The following RASEF variants were observed in gnomAD, a reference collection of about 807,000 sequenced individuals.
RASEF encodes RAS and EF-hand domain containing.
Under a neutral mutation model 90.1 loss-of-function variants are expected in RASEF, and 68 were observed. That is an observed-to-expected ratio of 0.75 (90% CI 0.62 to 0.92). The LOEUF (loss-of-function observed/expected upper bound fraction) is 0.92. Among genes scored for constraint, RASEF ranks in the 40% least tolerant of loss-of-function variants. RASEF has a pLI of 0.00. For missense variants in RASEF, 949 were observed against 937.2 expected (o/e 1.01, Z -0.16); for synonymous variants, 331 against 345.2 (o/e 0.96, Z 0.46).
intron 14 of RASEF, among the ~76,000 whole-genome samples, chr9:82,995,960 G>A (rs1041952495): frequency 6.6e-6 from 1 of 152,142 alleles, no homozygotes; most frequent in African/African-American, 2.4e-5. Context: ...CTAGAGAGAT[G>A]ACTATAACAT....
chr9:83,154,752 A>G, the RASEF span, among the ~76,000 whole-genome samples: 1 of 152,088 alleles, frequency 6.6e-6, no homozygotes. Context: ...TTGGCATACT[A>G]TTTTCTTCCT....
chr9:83,149,767 C>T, the RASEF span, among the ~76,000 whole-genome samples: 1 of 152,198 alleles, frequency 6.6e-6, no homozygotes, highest in Admixed American at 6.5e-5. Context: ...TTGTTTTTAA[C>T]ACCCCCTCTT....
the RASEF span, among the ~76,000 whole-genome samples, chr9:83,107,806 G>C: frequency 6.6e-6 from 1 of 152,096 alleles, no homozygotes; most frequent in Non-Finnish European, 1.5e-5. Context: ...GTGGCCCCTA[G>C]TCTAGCACTC....
At chr9:83,065,680 T>G (rs146160465), upstream of RASEF, among the ~76,000 whole-genome samples, 16 of 152,324 alleles carry the variant, frequency 1.1e-4, no homozygotes, top group East Asian at 3.1e-3. Flanking sequence ...CTCTAATATA[T>G]TCTCCCAGGC....
chr9:83,066,451 T>G (rs1367661693), upstream of RASEF, among the ~76,000 whole-genome samples: 1 of 152,210 alleles, frequency 6.6e-6, no homozygotes, highest in East Asian at 1.9e-4. Context: ...GGTCATATAA[T>G]CTGTCTCTAA....
chr9:83,159,153 T>C, the RASEF span, among the ~76,000 whole-genome samples: 2 of 140,790 alleles, frequency 1.4e-5, no homozygotes, highest in Non-Finnish European at 3.0e-5. Flanking sequence ...GCCACTGCAC[T>C]CCAGCCTGGG....
At position 82,991,538 on chromosome 9, in the gene RASEF, A is replaced by T. The variant is rs535294526; in HGVS notation, c.2041-1071T>A. On this transcript the variant is annotated intron_variant, in intron 15 of 16. Transcript: ENST00000376447. ...AAGGGAAGGAGGTGACACTTGCTCT[A>T]GAACAGGGAGAATGAGAAAAGCCAG... Among the ~76,000 whole-genome samples, 3 of 152,304 alleles carry T rather than the reference A, an allele frequency of 2.0e-5. No homozygotes were observed. The South Asian group carries it at 6.2e-4, about 32-fold the overall frequency.
the RASEF span, among the ~76,000 whole-genome samples, chr9:83,094,277 T>C: frequency 6.6e-6 from 1 of 151,278 alleles, no homozygotes; most frequent in Admixed American, 6.6e-5. Context: ...GCTATAAATA[T>C]GAAATACCCA....
At position 83,044,509 on chromosome 9, in the gene RASEF, A is replaced by C. The variant is rs542408928; in HGVS notation, c.431+17928T>G. Reference sequence around the variant, plus strand: ...TAGGGCAAGCCTTTTCTTGGGAAATAAAAAAAAAATTAATAACTTTAAAGT... The same window carrying C: ...TAGGGCAAGCCTTTTCTTGGGAAATCAAAAAAAAATTAATAACTTTAAAGT... On this transcript the variant is annotated intron_variant, in intron 1 of 16. Transcript: ENST00000376447. Among the ~76,000 whole-genome samples, 814 of 146,192 alleles carry C rather than the reference A, an allele frequency of 5.6e-3. 10 individuals are homozygous for C. The highest frequency in any genetic ancestry group is 0.019 in the African/African-American group (752 of 40,040).
intron 3 of RASEF, among the ~76,000 whole-genome samples, chr9:83,017,326 A>G (rs1829359639): frequency 1.3e-5 from 2 of 150,492 alleles, no homozygotes; most frequent in Admixed American, 6.6e-5. Flanking sequence ...TCTACTAAAA[A>G]AAAAAAAAAA....
chr9:83,007,453 G>T lies in RASEF; in HGVS notation c.1012C>A (p.Gln338Lys). ...YTEDRNSLERQIEILQTANRK... is the reference protein window; with the variant it reads ...YTEDRNSLERKIEILQTANRK... ...CGGACTTACTGGAGTATTTCAATTT[G>T]CCTCTCAAGACTATTTCGATCTTCT... The change falls in exon 7 of 17, where the codon CAA becomes AAA. Residue 338 changes from glutamine to lysine, a missense_variant. Coordinates refer to ENST00000376447, the MANE Select transcript of RASEF (RefSeq NM_152573.4). 1 of 1,610,594 alleles carries T rather than the reference G, an allele frequency of 6.2e-7. No individual in the cohort carries two copies.
chr9:83,035,494 C>T (rs1015792170), intron 1 of RASEF, among the ~76,000 whole-genome samples: 2 of 152,154 alleles, frequency 1.3e-5, no homozygotes, highest in African/African-American at 4.8e-5. Context: ...CCAGATCAAA[C>T]TTTTTCATAT....
the RASEF span, among the ~76,000 whole-genome samples, chr9:83,196,329 G>A: frequency 6.6e-6 from 1 of 152,074 alleles, no homozygotes; most frequent in African/African-American, 2.4e-5. Flanking sequence ...TCTGCACCTG[G>A]GATGGGGGAG....
intron 5 of RASEF, among the ~76,000 whole-genome samples, chr9:83,011,491 G>A (rs530249610): frequency 7.3e-6 from 1 of 137,754 alleles, no homozygotes; most frequent in East Asian, 2.3e-4. Flanking sequence ...GATGGAGGTT[G>A]CAGTGAGCCA....
At chr9:83,140,367 A>C in the RASEF span, among the ~76,000 whole-genome samples, 1 of 152,200 alleles carries the variant, frequency 6.6e-6, no homozygotes, top group Non-Finnish European at 1.5e-5. Flanking sequence ...ATGCTGATTC[A>C]AAGTCTTTAG....
the RASEF span, among the ~76,000 whole-genome samples, chr9:83,211,136 C>A: frequency 6.6e-6 from 1 of 152,162 alleles, no homozygotes; most frequent in Non-Finnish European, 1.5e-5. Context: ...TCATGCATTG[C>A]ATTTAGTTGC....
intron 1 of RASEF, among the ~76,000 whole-genome samples, chr9:83,028,165 G>C (rs1187235579): frequency 6.6e-6 from 1 of 152,184 alleles, no homozygotes; most frequent in African/African-American, 2.4e-5. Context: ...AAATGTTGGG[G>C]ATAGCTAATA....
At chr9:83,133,508 ATGAATAC>A in the RASEF span, among the ~76,000 whole-genome samples, 4,919 of 152,240 alleles carry the variant, frequency 0.032, 249 homozygotes, top group African/African-American at 0.11. Flanking sequence ...TAGTCACTAT[ATGAATAC>A]GTCGAATGAT....
chr9:83,090,636 T>A, the RASEF span, among the ~76,000 whole-genome samples: 1 of 152,108 alleles, frequency 6.6e-6, no homozygotes. Flanking sequence ...ACTCTTAACC[T>A]CAGGTGATCC....
Sources: allele counts gnomAD v4.1 joint callset (sites outside exome capture counted in the v4.1 genomes callset), GRCh38; gene constraint gnomAD v4.1.1; transcripts MANE v1.5; gene names NCBI Gene and HGNC (gene_info 2026-07-23, HGNC 2026-07-21).